SPOCK3: variants seen among roughly 807,000 people sequenced by gnomAD.
The protein encoded by SPOCK3 is testican-3.
In SPOCK3, 30 loss-of-function variants were observed where a neutral mutation model predicts 56.6. The ratio of observed to expected loss-of-function variants is 0.53; its 90% CI spans 0.40 to 0.72. The LOEUF (loss-of-function observed/expected upper bound fraction) is 0.72. Among genes scored for constraint, SPOCK3 ranks in the 30% least tolerant of loss-of-function variants. The pLI is 0.00. For synonymous variants in SPOCK3, 196 were observed against 183.3 expected (o/e 1.07, Z -0.56); for missense variants, 527 against 530.0 (o/e 0.99, Z 0.06).
chr4:167,215,689 T>C (rs1735290590), intron 2 of SPOCK3, among the ~76,000 whole-genome samples: 1 of 152,074 alleles, frequency 6.6e-6, no homozygotes, highest in African/African-American at 2.4e-5. Flanking sequence ...GATTTTGGAT[T>C]TGGGAATAGG....
intron 6 of SPOCK3, among the ~76,000 whole-genome samples, chr4:166,849,128 T>C (rs145373175): frequency 8.5e-4 from 130 of 152,352 alleles, no homozygotes; most frequent in Admixed American, 2.7e-3. Flanking sequence ...GTTGTTGAAA[T>C]GAGGCATATA....
At chr4:166,963,359 G>A (rs574169917) in intron 4 of SPOCK3, among the ~76,000 whole-genome samples, 1 of 152,118 alleles carries the variant, frequency 6.6e-6, no homozygotes, top group African/African-American at 2.4e-5. Flanking sequence ...TGTGGAAATT[G>A]AGATGTTAAC....
intron 3 of SPOCK3, among the ~76,000 whole-genome samples, chr4:167,041,703 C>A (rs572562298): frequency 6.6e-6 from 1 of 152,168 alleles, no homozygotes; most frequent in East Asian, 1.9e-4. Context: ...TGTAGGATGA[C>A]TACAGCAAAT....
intron 2 of SPOCK3, among the ~76,000 whole-genome samples, chr4:167,079,322 G>A (rs1757500063): frequency 6.6e-6 from 1 of 151,926 alleles, no homozygotes; most frequent in African/African-American, 2.4e-5. Flanking sequence ...ATCCATTCAT[G>A]AGGAACAACC....
At chr4:167,219,750 G>A (rs1012664887) in intron 2 of SPOCK3, among the ~76,000 whole-genome samples, 4 of 151,914 alleles carry the variant, frequency 2.6e-5, no homozygotes, top group African/African-American at 9.7e-5. Flanking sequence ...TAAGTTCTCT[G>A]TAATTTAAAA....
At chr4:166,789,149 G>A (rs1282314258) in intron 7 of SPOCK3, among the ~76,000 whole-genome samples, 1 of 151,994 alleles carries the variant, frequency 6.6e-6, no homozygotes, top group African/African-American at 2.4e-5. Flanking sequence ...ACAAAAACTT[G>A]CCGGGTGCGG....
At chr4:166,980,024 G>C (rs1210112595) in intron 4 of SPOCK3, among the ~76,000 whole-genome samples, 1 of 152,108 alleles carries the variant, frequency 6.6e-6, no homozygotes, top group Non-Finnish European at 1.5e-5. Context: ...TCTTCCTTCT[G>C]TGTTTTGCCT....
chr4:166,747,090 T>C (rs1251046154), intron 8 of SPOCK3, among the ~76,000 whole-genome samples: 1 of 152,178 alleles, frequency 6.6e-6, no homozygotes, highest in Admixed American at 6.5e-5. Context: ...TCTGAAACTA[T>C]TCCAATCAAT....
intron 2 of SPOCK3, among the ~76,000 whole-genome samples, chr4:167,071,148 G>A (rs1756635465): frequency 6.6e-6 from 1 of 151,940 alleles, no homozygotes; most frequent in South Asian, 2.1e-4. Context: ...CTGTGTACTG[G>A]TTAGTTTTAA....
chr4:167,228,979 GAA>G (rs910053133), intron 2 of SPOCK3, among the ~76,000 whole-genome samples: 3 of 151,894 alleles, frequency 2.0e-5, no homozygotes, highest in Non-Finnish European at 4.4e-5. Context: ...AAAAGCAAAA[GAA>G]AGAGAGAAAA....
At chr4:166,754,761 A>G in intron 7 of SPOCK3, 32 bp from the exon 8 acceptor site, 1 of 1,609,484 alleles carries the variant, frequency 6.2e-7, no homozygotes, top group Non-Finnish European at 8.5e-7. Context: ...TGATTAGTTA[A>G]ATATGAAAGA....
intron 6 of SPOCK3, among the ~76,000 whole-genome samples, chr4:166,885,072 T>C (rs1734056626): frequency 6.6e-6 from 1 of 151,976 alleles, no homozygotes; most frequent in South Asian, 2.1e-4. Context: ...AATAAGCTAG[T>C]CCTTTTGGTT....
intron 2 of SPOCK3, among the ~76,000 whole-genome samples, chr4:167,108,230 A>G (rs1760342861): frequency 6.6e-6 from 1 of 151,932 alleles, no homozygotes; most frequent in Non-Finnish European, 1.5e-5. Flanking sequence ...TATAACCACT[A>G]TGGAGAACAG....
At chr4:166,869,333 G>A (rs1169695909) in intron 6 of SPOCK3, among the ~76,000 whole-genome samples, 1 of 151,982 alleles carries the variant, frequency 6.6e-6, no homozygotes, top group East Asian at 1.9e-4. Flanking sequence ...AGTAAACCAG[G>A]GAAATTAAGA....
At chr4:166,879,840 T>G (rs1733505375) in intron 6 of SPOCK3, among the ~76,000 whole-genome samples, 1 of 152,156 alleles carries the variant, frequency 6.6e-6, no homozygotes, top group African/African-American at 2.4e-5. Context: ...AGTTTTCCCC[T>G]GGGTACTGTC....
At chr4:166,968,758 C>T (rs1745035762) in intron 4 of SPOCK3, among the ~76,000 whole-genome samples, 1 of 152,216 alleles carries the variant, frequency 6.6e-6, no homozygotes, top group Admixed American at 6.5e-5. Flanking sequence ...GGAACCCACA[C>T]AAAGAGCTCC....
Position 167,170,495 on chromosome 4 carries a change from ACTAAT to A in SPOCK3, c.189+63485_189+63489del, listed in dbSNP as rs557916126. ...ATTGAGCAATTTGAATGGGAAAGGCACTAATCTAGATACTTTACTTGTATTAACTC... is the reference window on the plus strand; with the variant it reads ...ATTGAGCAATTTGAATGGGAAAGGCACTAGATACTTTACTTGTATTAACTC... On this transcript the variant is annotated intron_variant, in intron 2 of 10. Coordinates refer to ENST00000357545, the MANE Select transcript of SPOCK3 (RefSeq NM_001040159.2). Among the ~76,000 whole-genome samples, 915 of 152,300 alleles carry A rather than the reference ACTAAT, an allele frequency of 6.0e-3. 7 individuals are homozygous for A. The highest frequency in any genetic ancestry group is 8.3e-3 in the Non-Finnish European group (566 of 68,008).
At chr4:166,780,570 TC>T (rs1363798139) in intron 7 of SPOCK3, among the ~76,000 whole-genome samples, 1 of 152,082 alleles carries the variant, frequency 6.6e-6, no homozygotes, top group Non-Finnish European at 1.5e-5. Context: ...CCTGTCACTC[TC>T]TAGATATAGG....
At chr4:166,743,303 A>T (rs947622118) in intron 8 of SPOCK3, among the ~76,000 whole-genome samples, 3 of 152,176 alleles carry the variant, frequency 2.0e-5, no homozygotes, top group Non-Finnish European at 4.4e-5. Context: ...ATTAATTTAA[A>T]TGTTTTTAAA....
Sources: allele counts gnomAD v4.1 joint callset (sites outside exome capture counted in the v4.1 genomes callset), GRCh38; gene constraint gnomAD v4.1.1; transcripts MANE v1.5; gene names NCBI Gene and HGNC (gene_info 2026-07-23, HGNC 2026-07-21).